PRKDC: variants seen among roughly 807,000 people sequenced by gnomAD.
PRKDC encodes the protein DNA-dependent protein kinase catalytic subunit.
In PRKDC, 82 loss-of-function variants were observed where a neutral mutation model predicts 486.9. That is an observed-to-expected ratio of 0.17 (90% CI 0.14 to 0.20). The LOEUF (loss-of-function observed/expected upper bound fraction) is 0.20, where lower values mean the gene tolerates loss of function less well. PRKDC is among the 10% of genes least tolerant of loss of function. The probability of loss-of-function intolerance (pLI) is 1.00; values close to 1 mark genes in which losing one functional copy is unlikely to be tolerated. For synonymous variants in PRKDC, 1,895 were observed against 1,837.0 expected, an observed-to-expected ratio of 1.03 and a Z score of -0.81; for missense variants, 4,504 against 5,038.2, an observed-to-expected ratio of 0.89 and a Z score of 3.21.
intron 21 of PRKDC, among the ~76,000 whole-genome samples, chr8:47,920,295 C>T (rs1417743338): frequency 2.0e-5 from 3 of 152,144 alleles, no homozygotes; most frequent in Admixed American, 6.5e-5. Flanking sequence ...GAGCTGGTGT[C>T]GGCTATGTCT....
intron 68 of PRKDC, among the ~76,000 whole-genome samples, chr8:47,816,450 G>A (rs2087448588): frequency 6.6e-6 from 1 of 152,166 alleles, no homozygotes; most frequent in Non-Finnish European, 1.5e-5. Context: ...TGATCTTGTT[G>A]TAGAGGTAGA....
At chr8:47,892,816 G>A (rs545732639) in intron 31 of PRKDC, among the ~76,000 whole-genome samples, 2 of 152,238 alleles carry the variant, frequency 1.3e-5, no homozygotes, top group African/African-American at 4.8e-5. Context: ...CAATGATGCT[G>A]TACATAAAAC....
chr8:47,939,378 G>A (rs2090402673), intron 11 of PRKDC, among the ~76,000 whole-genome samples, 173 bp downstream of exon 11: 1 of 152,126 alleles, frequency 6.6e-6, no homozygotes, highest in Non-Finnish European at 1.5e-5. Context: ...TTTTTGATCC[G>A]TATGGTAGAA....
intron 73 of PRKDC, among the ~76,000 whole-genome samples, chr8:47,795,276 G>A (rs1240712462): frequency 1.4e-5 from 2 of 145,694 alleles, no homozygotes; most frequent in African/African-American, 5.1e-5. Context: ...TGCAAGCTCC[G>A]CCTCCCAGGT....
chr8:47,856,521 T>A (rs549442898), intron 49 of PRKDC, among the ~76,000 whole-genome samples: 1 of 152,306 alleles, frequency 6.6e-6, no homozygotes, highest in East Asian at 1.9e-4. Context: ...TGAGCCATCA[T>A]GCCTAGCCCC....
Position 47,877,864 on chromosome 8 carries a change from C to A in PRKDC, c.5236-13G>T, listed in dbSNP as rs755302060. The A allele has an allele frequency of 7.0e-7, 1 of 1,430,682 alleles. No individual in the cohort carries two copies. The highest frequency in any genetic ancestry group is 2.6e-5 in the East Asian group (1 of 38,576). The allele number at this position is 1,430,682 out of a possible 1,614,324, so 88.6% of individuals were successfully genotyped here. A position where few individuals can be genotyped will look rare whatever the true frequency, so the allele number is the denominator to read the frequency against. On this transcript the variant is annotated splice_polypyrimidine_tract_variant and intron_variant, in intron 39 of 85. Coordinates refer to ENST00000314191, the MANE Select transcript of PRKDC (RefSeq NM_006904.7). ...ATGCATCTAGAAACTAGAAAAAATA[C>A]ATCAACATCATTAAAATTTTGTTGG...
At chr8:47,924,561 AAATAAT>A (rs371796979) in intron 21 of PRKDC, among the ~76,000 whole-genome samples, 2 of 151,726 alleles carry the variant, frequency 1.3e-5, no homozygotes, top group South Asian at 2.1e-4. Context: ...CTCTGTCTCA[AAATAAT>A]AATAATAATA....
rs1419836049 is a variant in PRKDC, at chr8:47,955,951, A to G, written c.325-3T>C. 2 of 1,572,200 alleles carry G rather than the reference A, an allele frequency of 1.3e-6. No homozygotes were observed. Among genetic ancestry groups the G allele is most frequent in the East Asian group, 4.5e-5 (2 of 44,664 alleles). ...GTATAAACACTGGTACAAGTGTTCTAGGTTTTAAAAAAAAAATAACCAAAA... is the reference window on the plus strand; with the variant it reads ...GTATAAACACTGGTACAAGTGTTCTGGGTTTTAAAAAAAAAATAACCAAAA... On this transcript the variant is annotated splice_polypyrimidine_tract_variant and splice_region_variant and intron_variant, in intron 3 of 85. Transcript: ENST00000314191.
chr8:47,900,895 A>T (rs945997168), intron 27 of PRKDC, among the ~76,000 whole-genome samples: 2 of 151,578 alleles, frequency 1.3e-5, no homozygotes, highest in African/African-American at 4.8e-5. Flanking sequence ...TTAAAGGCTC[A>T]GCTGGGTGTG....
intron 7 of PRKDC, among the ~76,000 whole-genome samples, chr8:47,948,697 G>A (rs908325879): frequency 2.9e-5 from 4 of 139,568 alleles, no homozygotes; most frequent in Non-Finnish European, 6.3e-5. Flanking sequence ...CCCAGCCTCA[G>A]GTGATCCGCC....
intron 52 of PRKDC, among the ~76,000 whole-genome samples, chr8:47,852,008 C>A (rs4873736): frequency 6.6e-6 from 1 of 152,112 alleles, no homozygotes; most frequent in Admixed American, 6.5e-5. Flanking sequence ...CCCAGCTACT[C>A]GGGAGGCTAA....
intron 85 of PRKDC, among the ~76,000 whole-genome samples, chr8:47,776,026 G>C (rs1410093834): frequency 1.3e-5 from 2 of 152,034 alleles, no homozygotes; most frequent in African/African-American, 2.4e-5. Flanking sequence ...GTTTCACCTT[G>C]ATGGCCAGGG....
intron 43 of PRKDC, 57 bp downstream of exon 43, chr8:47,862,316 T>A: frequency 6.6e-7 from 1 of 1,519,574 alleles, no homozygotes; most frequent in South Asian, 1.2e-5. Flanking sequence ...TTGACTGATA[T>A]AATCTAACTT....
chr8:47,819,893 T>C (rs944840208), intron 66 of PRKDC, among the ~76,000 whole-genome samples: 2 of 152,128 alleles, frequency 1.3e-5, no homozygotes, highest in Non-Finnish European at 2.9e-5. Flanking sequence ...TAAATAAAAA[T>C]GAAAACAATG....
chr8:47,813,390 T>TGGTG (rs1237471801), intron 68 of PRKDC, among the ~76,000 whole-genome samples: 29 of 152,200 alleles, frequency 1.9e-4, no homozygotes, highest in African/African-American at 4.3e-4. Flanking sequence ...AGTGCTGGGA[T>TGGTG]TACAGGTGTA....
intron 68 of PRKDC, among the ~76,000 whole-genome samples, chr8:47,815,329 T>C (rs1235748703): frequency 1.3e-5 from 2 of 152,256 alleles, no homozygotes; most frequent in Non-Finnish European, 1.5e-5. Flanking sequence ...GGTGACTCAA[T>C]TATGAAAGAC....
intron 68 of PRKDC, among the ~76,000 whole-genome samples, chr8:47,812,985 G>A (rs2087364579): frequency 6.6e-6 from 1 of 151,144 alleles, no homozygotes; most frequent in Non-Finnish European, 1.5e-5. Flanking sequence ...TGATGAAATG[G>A]ACAAATTTAC....
rs779477669 is a variant in PRKDC, at chr8:47,799,218, T to G, written c.10289A>C (p.Asn3430Thr). 1.2e-6 allele frequency: 2 copies of G among 1,613,920 alleles called. No homozygotes were observed. Among genetic ancestry groups the G allele is most frequent in the South Asian group, 2.2e-5 (2 of 91,080 alleles). Residue 3430 changes from asparagine (N) to threonine (T), a missense_variant, in exon 72 of 86, where the codon AAT (asparagine) becomes ACT (threonine). Transcript: ENST00000314191. Reference protein sequence around the residue: ...CDQQLRKEEENASVIDSAELQ... With the variant: ...CDQQLRKEEETASVIDSAELQ... ...TTTAATTTTCAATTCACCTGATGCA[T>G]TCTCTTCCTCCTTGCGCAGCTGTTG...
intron 40 of PRKDC, among the ~76,000 whole-genome samples, chr8:47,877,372 T>C (rs2089111925): frequency 6.6e-6 from 1 of 152,332 alleles, no homozygotes; most frequent in Non-Finnish European, 1.5e-5. Flanking sequence ...TCAAGAAAAC[T>C]GCTTTAAGAG....
Sources: allele counts gnomAD v4.1 joint callset (sites outside exome capture counted in the v4.1 genomes callset), GRCh38; gene constraint gnomAD v4.1.1; transcripts MANE v1.5; gene names NCBI Gene and HGNC (gene_info 2026-07-23, HGNC 2026-07-21).